DNMBP: variants seen among roughly 807,000 people sequenced by gnomAD.
DNMBP encodes the protein dynamin binding protein.
A neutral mutation model predicts 150.0 loss-of-function variants in DNMBP; 87 were observed. The ratio of observed to expected loss-of-function variants is 0.58; its 90% CI spans 0.49 to 0.69. The LOEUF (loss-of-function observed/expected upper bound fraction) is 0.69, where lower values mean the gene tolerates loss of function less well. DNMBP is among the 30% of genes least tolerant of loss of function. DNMBP has a pLI of 0.00. For synonymous variants in DNMBP, 711 were observed against 750.4 expected (o/e 0.95, Z 0.86); for missense variants, 1,774 against 1,949.0 (o/e 0.91, Z 1.69).
At chr10:99,938,064 C>T (rs997492182) in intron 4 of DNMBP, among the ~76,000 whole-genome samples, 9 of 152,200 alleles carry the variant, frequency 5.9e-5, no homozygotes, top group African/African-American at 9.7e-5. Flanking sequence ...TTTAAGTCTA[C>T]AATTCTATGA....
At chr10:99,883,990 T>C in intron 15 of DNMBP, 21 bp downstream of exon 15, 3 of 1,611,932 alleles carry the variant, frequency 1.9e-6, no homozygotes, top group Non-Finnish European at 2.5e-6. Context: ...GTTACAGTCC[T>C]CTGCTGCTTA....
At chr10:99,885,661 G>A (rs1564715496) in intron 14 of DNMBP, 26 bp downstream of exon 14, 1 of 1,543,028 alleles carries the variant, frequency 6.5e-7, no homozygotes, top group Non-Finnish European at 8.8e-7. Context: ...CCGAGGCGGG[G>A]CTGCTGCTCT....
At chr10:99,947,734 A>G (rs1334581361) in intron 4 of DNMBP, among the ~76,000 whole-genome samples, 2 of 152,250 alleles carry the variant, frequency 1.3e-5, no homozygotes, top group African/African-American at 4.8e-5. Flanking sequence ...TTAAAAGTTA[A>G]AATAAAATTC....
chr10:100,000,859 CAAAAA>C (rs36026874), intron 1 of DNMBP, among the ~76,000 whole-genome samples: 9 of 52,510 alleles, frequency 1.7e-4, no homozygotes, highest in Admixed American at 2.9e-4. Flanking sequence ...CCTGTTATGG[CAAAAA>C]AAAAAAAAAA....
At chr10:99,971,714 C>T (rs555939857) in intron 2 of DNMBP, among the ~76,000 whole-genome samples, 235 of 151,128 alleles carry the variant, frequency 1.6e-3, no homozygotes, top group African/African-American at 4.7e-3. Flanking sequence ...GAGACAGGGT[C>T]TCACCATCTC....
At chr10:99,947,930 T>C (rs1463916275) in intron 4 of DNMBP, among the ~76,000 whole-genome samples, 3 of 152,192 alleles carry the variant, frequency 2.0e-5, no homozygotes, top group African/African-American at 7.2e-5. Context: ...GCGAAGTATA[T>C]GGAAGCTCTT....
chr10:99,880,411 A>G (rs1464734112), intron 15 of DNMBP, 50 bp from the exon 16 acceptor site: 1 of 1,485,902 alleles, frequency 6.7e-7, no homozygotes, highest in Admixed American at 2.4e-5. Context: ...AGAAGGCTGG[A>G]CAGACAGAGG....
intron 4 of DNMBP, among the ~76,000 whole-genome samples, chr10:99,954,774 G>A (rs1391347342): frequency 6.7e-5 from 10 of 149,418 alleles, no homozygotes; most frequent in Admixed American, 5.3e-4. Context: ...AAAGAGGCCG[G>A]GCGTGGTGGC....
At chr10:99,926,522 C>A (rs376888455) in intron 4 of DNMBP, among the ~76,000 whole-genome samples, 3 of 152,206 alleles carry the variant, frequency 2.0e-5, no homozygotes, top group East Asian at 3.8e-4. Context: ...TAAGATGCAC[C>A]TGTCTCCAGT....
intron 1 of DNMBP, among the ~76,000 whole-genome samples, chr10:99,995,072 T>G (rs11190354): frequency 0.15 from 22,860 of 148,130 alleles, 2,664 homozygotes; most frequent in African/African-American, 0.33. Flanking sequence ...TTTTTTTTTT[T>G]GAGACAGTCT....
At chr10:99,948,793 T>A (rs1379913191) in intron 4 of DNMBP, among the ~76,000 whole-genome samples, 1 of 151,826 alleles carries the variant, frequency 6.6e-6, no homozygotes, top group Admixed American at 6.6e-5. Context: ...TGAAACCCCA[T>A]CTCTACTAAA....
chr10:99,892,208 C>A (rs61872211), intron 11 of DNMBP, among the ~76,000 whole-genome samples: 1 of 136,408 alleles, frequency 7.3e-6, no homozygotes, highest in Non-Finnish European at 1.6e-5. Flanking sequence ...CCGCCCCGTC[C>A]GGGAGGTGAG....
chr10:99,913,803 A>C, intron 4 of DNMBP: 1 of 766,268 alleles, frequency 1.3e-6, no homozygotes, highest in Non-Finnish European at 1.8e-6. Flanking sequence ...GAGCAGAGCC[A>C]TGCGCCCTTC....
chr10:99,930,140 A>T (rs1199371955), intron 4 of DNMBP: 2 of 702,912 alleles, frequency 2.8e-6, no homozygotes, highest in Non-Finnish European at 5.2e-6. Context: ...GATAACTCCC[A>T]GGAACATGAT....
At position 99,884,088 on chromosome 10, in the gene DNMBP, A is replaced by C; in HGVS notation, c.3920T>G (p.Leu1307Trp). ...NAAQDLDVSL[L>W]EGDLVGVIKK... ...AATCACACCCACCAGGTCACCTTCC[A>C]AAAGTGAGACATCCAAGTCTTGAGC... Residue 1307 changes from leucine to tryptophan, a missense_variant, in exon 15 of 17, where the codon TTG (leucine) becomes TGG (tryptophan). Physicochemically the swap from Leu to Trp is moderately conservative, Grantham distance 61 (BLOSUM62 -2). Transcript: ENST00000324109. The C allele has an allele frequency of 1.2e-6, 2 of 1,614,066 alleles. No homozygotes were observed. The highest frequency in any genetic ancestry group is 1.6e-4 in the Middle Eastern group (1 of 6,062).
intron 1 of DNMBP, among the ~76,000 whole-genome samples, chr10:99,997,273 T>G (rs1046819710): frequency 1.2e-4 from 19 of 152,180 alleles, no homozygotes; most frequent in Non-Finnish European, 2.9e-5. Context: ...TTAACAATTT[T>G]CTCCCCTAAC....
rs200839018 is a variant in DNMBP, at chr10:99,972,097, T to G, written c.28A>C (p.Ile10Leu). The G allele has an allele frequency of 6.2e-7, 1 of 1,613,670 alleles. No individual in the cohort carries two copies. Among genetic ancestry groups the G allele is most frequent in the Admixed American group, 1.7e-5 (1 of 59,872 alleles). Reference sequence around the variant, plus strand: ...GATACGCTAGGGCAGAAGTCAAAAATGGCTCGAACCACTGAGCCAGCCTCC... The same window carrying G: ...GATACGCTAGGGCAGAAGTCAAAAAGGGCTCGAACCACTGAGCCAGCCTCC... MEAGSVVRA[I>L]FDFCPSVSEE... Residue 10 changes from isoleucine (I) to leucine (L), a missense_variant, in exon 2 of 17, where the codon ATT (isoleucine) becomes CTT (leucine). Ile to Leu is a conservative substitution (Grantham distance 5). Coordinates refer to ENST00000324109, the MANE Select transcript of DNMBP (RefSeq NM_015221.4).
At chr10:99,910,483 C>T (rs1185863239) in intron 4 of DNMBP, among the ~76,000 whole-genome samples, 1 of 152,130 alleles carries the variant, frequency 6.6e-6, no homozygotes, top group Non-Finnish European at 1.5e-5. Flanking sequence ...GAGGTTGCAG[C>T]GACACGAGAT....
chr10:99,967,803 T>C (rs1186706467), intron 3 of DNMBP, among the ~76,000 whole-genome samples: 2 of 152,114 alleles, frequency 1.3e-5, no homozygotes, highest in African/African-American at 2.4e-5. Context: ...TTCTACTGTT[T>C]TGATGACTGA....
Sources: gnomAD v4.1 joint callset for allele counts (sites outside exome capture counted in the v4.1 genomes callset) on GRCh38, gnomAD v4.1.1 for gene constraint, MANE v1.5 for transcripts, NCBI Gene and HGNC (gene_info 2026-07-23, HGNC 2026-07-21) for gene names.